ARB2A: variants seen among roughly 807,000 people sequenced by gnomAD.
ARB2A encodes the protein ARB2 cotranscriptional regulator A.
the ARB2A span, among the ~76,000 whole-genome samples, chr5:94,012,012 G>A: frequency 6.7e-6 from 1 of 148,676 alleles, no homozygotes; most frequent in Non-Finnish European, 1.5e-5. Context: ...GGGAAAACCA[G>A]AGACTAGTGT....
At chr5:93,736,957 AAGTG>A in the ARB2A span, 4 of 152,230 alleles carry the variant, frequency 2.6e-5, no homozygotes, top group Non-Finnish European at 2.9e-5. Context: ...TTGCCAGAGC[AAGTG>A]AGTAAGAAAA....
chr5:93,805,066 G>T, the ARB2A span: 2 of 960,960 alleles, frequency 2.1e-6, no homozygotes, highest in Non-Finnish European at 2.5e-6. Context: ...TATAATTAAT[G>T]ATTAATGATT....
the ARB2A span, among the ~76,000 whole-genome samples, chr5:93,714,232 C>A: frequency 6.6e-6 from 1 of 152,210 alleles, no homozygotes; most frequent in African/African-American, 2.4e-5. Context: ...TATTTGATGT[C>A]TGGCTTCATT....
the ARB2A span, among the ~76,000 whole-genome samples, chr5:93,788,230 T>A: frequency 3.9e-5 from 6 of 152,252 alleles, no homozygotes; most frequent in South Asian, 1.0e-3. Context: ...TTTATCATTA[T>A]TTTTTCTTGC....
the ARB2A span, among the ~76,000 whole-genome samples, chr5:94,025,028 A>C: frequency 6.6e-6 from 1 of 152,198 alleles, no homozygotes; most frequent in Non-Finnish European, 1.5e-5. Flanking sequence ...AGAAACACAT[A>C]ATGGCTCTAA....
chr5:94,100,192 C>CCA, the ARB2A span, among the ~76,000 whole-genome samples: 17 of 151,938 alleles, frequency 1.1e-4, no homozygotes, highest in Admixed American at 6.6e-4. Context: ...TTCAAAACTG[C>CCA]CACACACACA....
At chr5:93,679,323 TTA>T in the ARB2A span, among the ~76,000 whole-genome samples, 5 of 152,114 alleles carry the variant, frequency 3.3e-5, no homozygotes, top group African/African-American at 1.2e-4. Flanking sequence ...ATCCTTTCAT[TTA>T]TATGTCTCAT....
the ARB2A span, among the ~76,000 whole-genome samples, chr5:93,745,836 C>CA: frequency 1.1e-4 from 16 of 151,892 alleles, no homozygotes; most frequent in Admixed American, 5.3e-4. Context: ...ACTGACCAGG[C>CA]ATTCTGGTGT....
the ARB2A span, among the ~76,000 whole-genome samples, chr5:93,663,314 T>C: frequency 2.0e-5 from 3 of 152,198 alleles, no homozygotes; most frequent in African/African-American, 7.2e-5. Flanking sequence ...AACTTTTCTA[T>C]ACAGTTATTA....
At chr5:93,728,884 T>C in the ARB2A span, among the ~76,000 whole-genome samples, 1 of 152,164 alleles carries the variant, frequency 6.6e-6, no homozygotes, top group African/African-American at 2.4e-5. Context: ...TTTGAAAGAC[T>C]GATATATTAA....
the ARB2A span, among the ~76,000 whole-genome samples, chr5:93,798,895 T>C: frequency 6.6e-6 from 1 of 152,146 alleles, no homozygotes; most frequent in Non-Finnish European, 1.5e-5. Context: ...AAGTCTTGGG[T>C]TGACAGGCCA....
At chr5:93,985,893 G>A in the ARB2A span, among the ~76,000 whole-genome samples, 1 of 151,944 alleles carries the variant, frequency 6.6e-6, no homozygotes, top group Admixed American at 6.5e-5. Context: ...CATCATCTGG[G>A]ATATGAGGAG....
the ARB2A span, among the ~76,000 whole-genome samples, chr5:93,850,018 T>C: frequency 6.6e-6 from 1 of 152,214 alleles, no homozygotes; most frequent in South Asian, 2.1e-4. Context: ...ACAATTATTA[T>C]CTACTTTTTA....
chr5:93,905,911 C>G, the ARB2A span, among the ~76,000 whole-genome samples: 3 of 151,584 alleles, frequency 2.0e-5, no homozygotes, highest in Non-Finnish European at 3.0e-5. Context: ...TACTTCAGAA[C>G]AGCACTTTAA....
the ARB2A span, among the ~76,000 whole-genome samples, chr5:93,698,863 T>C: frequency 6.6e-6 from 1 of 152,234 alleles, no homozygotes; most frequent in Non-Finnish European, 1.5e-5. Context: ...AGGCAATAGA[T>C]ACTGCACAGT....
At chr5:93,660,929 G>A in the ARB2A span, among the ~76,000 whole-genome samples, 355 of 152,304 alleles carry the variant, frequency 2.3e-3, 3 homozygotes, top group African/African-American at 8.2e-3. Flanking sequence ...TAATATCAGT[G>A]TCAGAAGTGG....
chr5:93,650,746 T>C, the ARB2A span, among the ~76,000 whole-genome samples: 1 of 151,868 alleles, frequency 6.6e-6, no homozygotes, highest in African/African-American at 2.4e-5. Context: ...ATCCAGCACT[T>C]TGGGAGGCCA....
the ARB2A span, among the ~76,000 whole-genome samples, chr5:93,979,245 A>G: frequency 6.6e-6 from 1 of 152,156 alleles, no homozygotes. Context: ...GCTTTGAGCA[A>G]TGACCTGATT....
chr5:94,054,114 C>T, the ARB2A span, among the ~76,000 whole-genome samples: 3 of 152,120 alleles, frequency 2.0e-5, no homozygotes, highest in East Asian at 1.9e-4. Flanking sequence ...AAAGACAGTA[C>T]GAAGAGTGTG....
Sources: allele counts gnomAD v4.1 joint callset (sites outside exome capture counted in the v4.1 genomes callset), GRCh38; gene constraint gnomAD v4.1.1; transcripts MANE v1.5; gene names NCBI Gene and HGNC (gene_info 2026-07-23, HGNC 2026-07-21).